TSBP1: variants seen among roughly 807,000 people sequenced by gnomAD.
TSBP1 encodes testis expressed basic protein 1, also known as testis-expressed basic protein 1.
TSBP1 carries 56 observed loss-of-function variants against 68.8 expected under a neutral mutation model. The ratio of observed to expected loss-of-function variants is 0.81; its 90% CI spans 0.66 to 1.02. The LOEUF is 1.02. TSBP1 is among the 50% of genes least tolerant of loss of function. TSBP1 has a pLI of 0.00. For missense variants in TSBP1, 502 were observed against 641.2 expected (o/e 0.78, Z 2.34); for synonymous variants, 171 against 208.7 (o/e 0.82, Z 1.56).
chr6:32,300,129 C>T (rs530790230), intron 21 of TSBP1, among the ~76,000 whole-genome samples, 193 bp from the exon 25 acceptor site: 2 of 152,234 alleles, frequency 1.3e-5, no homozygotes, highest in African/African-American at 2.4e-5. Flanking sequence ...CTTTAGGATG[C>T]CATTTAATTA....
Position 32,370,407 on chromosome 6 carries a change from G to GTGTGTGTGTGTATA in TSBP1, c.14-425_14-424insTATACACACACACA, listed in dbSNP as rs1241237254. Among the ~76,000 whole-genome samples, 606 of 130,660 alleles carry GTGTGTGTGTGTATA rather than the reference G, an allele frequency of 4.6e-3. 7 individuals carry two copies. Among genetic ancestry groups the GTGTGTGTGTGTATA allele is most frequent in the Middle Eastern group, 7.6e-3 (2 of 262 alleles). The allele number at this position is 130,660 out of a possible 152,430, so 85.7% of individuals were successfully genotyped here. A position where few individuals can be genotyped will look rare whatever the true frequency, so the allele number is the denominator to read the frequency against. On this transcript the variant is annotated intron_variant, in intron 1 of 22. Coordinates refer to ENST00000612031, the Ensembl canonical transcript of TSBP1. ...TACCTTTAAAGTTGCAAGATTTTCT[G>GTGTGTGTGTGTATA]TATATATATATATATATATATATAT...
At position 32,338,733 on chromosome 6, in the gene TSBP1, C is replaced by A. The variant is rs1335653902; in HGVS notation, c.409+246G>T. Among the ~76,000 whole-genome samples, 1 of 152,070 alleles carries A rather than the reference C, an allele frequency of 6.6e-6. No homozygotes were observed. Among genetic ancestry groups the A allele is most frequent in the African/African-American group, 2.4e-5 (1 of 41,402 alleles). Reference sequence around the variant, plus strand: ...GGAATCTTTCTTCCTTTCACTTGACCATTTTTTGTTCTTCACTCTTTTCCC... The same window carrying A: ...GGAATCTTTCTTCCTTTCACTTGACAATTTTTTGTTCTTCACTCTTTTCCC... On this transcript the variant is annotated intron_variant, in intron 11 of 22. Transcript: ENST00000612031. The surrounding 1 kb of genome is among the most constrained non-coding windows in gnomAD (Gnocchi z 5.5).
chr6:32,294,112 G>A, intron 22 of TSBP1, 77 bp from the exon 26 acceptor site: 1 of 1,573,734 alleles, frequency 6.4e-7, no homozygotes, highest in Non-Finnish European at 8.6e-7. Flanking sequence ...CCTTGATACT[G>A]GTTCCTTTTT....
rs745937901 is a variant in TSBP1 at position 32,332,020 on chromosome 6, T to A, written c.493+14A>T. Reference sequence around the variant, plus strand: ...AAGCCAGTAGAGATAAGTTGATATATACAGGCAGCTTACCAATAGGTCCTG... The same window carrying A: ...AAGCCAGTAGAGATAAGTTGATATAAACAGGCAGCTTACCAATAGGTCCTG... On this transcript the variant is annotated intron_variant, in intron 15 of 22. Transcript: ENST00000612031. 6.3e-7 allele frequency: 1 copy of A among 1,588,442 alleles called. No homozygotes were observed. Among genetic ancestry groups the A allele is most frequent in the African/African-American group, 1.3e-5 (1 of 74,390 alleles).
intron 19 of TSBP1, among the ~76,000 whole-genome samples, chr6:32,308,795 T>A (rs1434950395): frequency 1.4e-4 from 22 of 152,024 alleles, no homozygotes; most frequent in Admixed American, 1.4e-3. Context: ...TTTAATAAGA[T>A]GAAAAGTTAA....
Position 32,302,002 on chromosome 6 carries a change from G to A in TSBP1, c.601+607C>T, listed in dbSNP as rs1454816329. On this transcript the variant is annotated intron_variant, in intron 20 of 22. Coordinates refer to ENST00000612031, the Ensembl canonical transcript of TSBP1. The surrounding 1 kb of genome is among the most constrained non-coding windows in gnomAD (Gnocchi z 5.1). The stretch of plus-strand genomic sequence containing the variant: ...AATAATAATAATAATAATATTTTGT[G>A]GCACATGAAAATTGTATGAAATTCA... Among the ~76,000 whole-genome samples, 2 of 135,134 alleles carry A rather than the reference G, an allele frequency of 1.5e-5. No homozygotes were observed. Among genetic ancestry groups the A allele is most frequent in the Non-Finnish European group, 3.3e-5 (2 of 60,626 alleles). 88.7% of individuals were successfully genotyped at this position (135,134 alleles called of 152,430 possible).
In TSBP1 at chr6:32,338,645, G is replaced by T. The variant is rs1769951522; in HGVS notation, c.409+334C>A. Among the ~76,000 whole-genome samples the T allele has an allele frequency of 6.6e-6, 1 of 152,150 alleles. No homozygotes were observed. The highest frequency in any genetic ancestry group is 1.5e-5 in the Non-Finnish European group (1 of 68,028). Reference sequence around the variant, plus strand: ...CATGTCACTGAAATTTTCTTGGCGGGTCTTAAGTAGAATGGCCACCATCAA... The same window carrying T: ...CATGTCACTGAAATTTTCTTGGCGGTTCTTAAGTAGAATGGCCACCATCAA... On this transcript the variant is annotated intron_variant, in intron 11 of 22. Coordinates refer to ENST00000612031, the Ensembl canonical transcript of TSBP1. The surrounding 1 kb of genome is among the most constrained non-coding windows in gnomAD (Gnocchi z 5.5).
chr6:32,323,200 G>A (rs1767833721), intron 17 of TSBP1, 63 bp from the exon 19 acceptor site: 1 of 1,133,844 alleles, frequency 8.8e-7, no homozygotes. Flanking sequence ...CCTCTAGGGA[G>A]GTATATTTGT....
rs780495673 is a variant in TSBP1 at position 32,365,690 on chromosome 6, T to C, written c.217+477A>G. 3 of 447,320 alleles carry C rather than the reference T, an allele frequency of 6.7e-6. No homozygotes were observed. Among genetic ancestry groups the C allele is most frequent in the Non-Finnish European group, 1.4e-5 (3 of 221,992 alleles). The allele number at this position is 447,320 out of a possible 1,614,324, so 27.7% of individuals were successfully genotyped here. A position where few individuals can be genotyped will look rare whatever the true frequency, so the allele number is the denominator to read the frequency against. The stretch of plus-strand genomic sequence containing the variant: ...AGAAATTGTGGGCCAAGTGGGTCTG[T>C]CTCAGCATTGAGTTGTGCCACCTTG... On this transcript the variant is annotated intron_variant, in intron 6 of 22. Transcript: ENST00000612031. The surrounding 1 kb of genome is among the most constrained non-coding windows in gnomAD (Gnocchi z 4.3).
intron 19 of TSBP1, among the ~76,000 whole-genome samples, chr6:32,305,020 C>T (rs1459224369): frequency 6.6e-6 from 1 of 152,166 alleles, no homozygotes; most frequent in Non-Finnish European, 1.5e-5. Context: ...ACGCAGGCCT[C>T]CATAACAACT....
At chr6:32,360,867 G>A (rs1011609793) in intron 6 of TSBP1, among the ~76,000 whole-genome samples, 4 of 139,602 alleles carry the variant, frequency 2.9e-5, no homozygotes, top group Admixed American at 2.2e-4. Flanking sequence ...ATTTTATTTT[G>A]TTTTTTTCTC....
At position 32,315,334 on chromosome 6, in the gene TSBP1, G is replaced by C. The variant is rs528699533; in HGVS notation, c.580+438C>G. On this transcript the variant is annotated intron_variant, in intron 19 of 22. Transcript: ENST00000612031. The surrounding 1 kb of genome is among the most constrained non-coding windows in gnomAD (Gnocchi z 5.4). ...ACCCAGCACTTTGGGAGGCCAACGC[G>C]GGCGGATCACTTGAGGTCAGGAGTT... Among the ~76,000 whole-genome samples, 7 of 152,150 alleles carry C rather than the reference G, an allele frequency of 4.6e-5. No homozygotes were observed. Among genetic ancestry groups the C allele is most frequent in the African/African-American group, 1.7e-4 (7 of 41,532 alleles).
chr6:32,300,058 G>T, intron 21 of TSBP1, 122 bp from the exon 25 acceptor site: 1 of 746,822 alleles, frequency 1.3e-6, no homozygotes, highest in Non-Finnish European at 2.3e-6. Context: ...ACAAAACTCT[G>T]TTTCATCCTC....
At position 32,335,353 on chromosome 6, in the gene TSBP1, G is replaced by A; in HGVS notation, c.472+84C>T. The A allele has an allele frequency of 7.6e-7, 1 of 1,309,736 alleles. No homozygotes were observed. Among genetic ancestry groups the A allele is most frequent in the Admixed American group, 2.9e-5 (1 of 35,060 alleles). 81.1% of individuals were successfully genotyped at this position (1,309,736 alleles called of 1,614,324 possible). ...AGAAGGACTTGATCCTTGAGTCCTT[G>A]GGCATGAATAATTGAAATAAAAATA... On this transcript the variant is annotated intron_variant, in intron 14 of 22. Coordinates refer to ENST00000612031, the Ensembl canonical transcript of TSBP1. This position sits in a 1 kb window ranked among gnomAD's most constrained non-coding sequence, Gnocchi z 5.5.
At chr6:32,345,321 G>T (rs1487922883) in intron 9 of TSBP1, among the ~76,000 whole-genome samples, 1 of 151,932 alleles carries the variant, frequency 6.6e-6, no homozygotes, top group Non-Finnish European at 1.5e-5. Flanking sequence ...ACTGAAATAT[G>T]GTTCCTGGAA....
At position 32,321,557 on chromosome 6, in the gene TSBP1, T is replaced by C. The variant is rs536939169; in HGVS notation, c.559+1560A>G. Among the ~76,000 whole-genome samples, 1 of 152,266 alleles carries C rather than the reference T, an allele frequency of 6.6e-6. No homozygotes were observed. Among genetic ancestry groups the C allele is most frequent in the Non-Finnish European group, 1.5e-5 (1 of 68,006 alleles). On this transcript the variant is annotated intron_variant, in intron 18 of 22. Transcript: ENST00000612031. The surrounding 1 kb of genome is among the most constrained non-coding windows in gnomAD (Gnocchi z 4.3). ...AGCCTCATCTCTGGGTCGGAACCATTGTCTCTGTATTTTTATCTGTGCCGT... is the reference window on the plus strand; with the variant it reads ...AGCCTCATCTCTGGGTCGGAACCATCGTCTCTGTATTTTTATCTGTGCCGT...
chr6:32,295,847 T>TC (rs1260248684), intron 22 of TSBP1, among the ~76,000 whole-genome samples: 6 of 150,130 alleles, frequency 4.0e-5, no homozygotes, highest in African/African-American at 1.5e-4. Flanking sequence ...AATTTCTTTT[T>TC]TTTTTTTTTT....
chr6:32,349,347 T>C (rs1771439777), intron 9 of TSBP1, among the ~76,000 whole-genome samples: 1 of 152,092 alleles, frequency 6.6e-6, no homozygotes, highest in Admixed American at 6.6e-5. Flanking sequence ...TGGGGATGCC[T>C]CAGGGAAGGC....
chr6:32,344,445 G>T (rs1055650528), intron 9 of TSBP1, among the ~76,000 whole-genome samples: 3 of 151,860 alleles, frequency 2.0e-5, no homozygotes, highest in African/African-American at 7.3e-5. Context: ...TAGAAATAGG[G>T]CCTGCCTAGA....
Sources: gnomAD v4.1 joint callset for allele counts (sites outside exome capture counted in the v4.1 genomes callset) on GRCh38, gnomAD v4.1.1 for gene constraint, Gnocchi (gnomAD v3.1) non-coding constraint, MANE v1.5 for transcripts, NCBI Gene and HGNC (gene_info 2026-07-23, HGNC 2026-07-21) for gene names.